TRIM9: variants seen among roughly 807,000 people sequenced by gnomAD.
TRIM9 encodes tripartite motif containing 9, also known as E3 ubiquitin-protein ligase TRIM9.
In TRIM9, 26 loss-of-function variants were observed where a neutral mutation model predicts 78.3. That is an observed-to-expected ratio of 0.33 (90% confidence interval 0.24 to 0.46). The LOEUF is 0.46. Ranked by LOEUF, TRIM9 falls within the 20% of genes least tolerant of loss-of-function variation. The pLI is 1.00. For synonymous variants in TRIM9, 398 were observed against 416.5 expected (o/e 0.96, Z 0.54); for missense variants, 787 against 1,036.4 (o/e 0.76, Z 3.30).
intron 1 of TRIM9, among the ~76,000 whole-genome samples, chr14:51,037,996 T>G (rs1403074189): frequency 1.3e-5 from 2 of 152,230 alleles, no homozygotes; most frequent in Non-Finnish European, 2.9e-5. Context: ...ATCTCCTGCA[T>G]GTGAATTCTG....
chr14:51,082,194 G>A (rs923382442), intron 1 of TRIM9, among the ~76,000 whole-genome samples: 5 of 152,150 alleles, frequency 3.3e-5, no homozygotes, highest in African/African-American at 1.2e-4. Flanking sequence ...AATCCCAAGG[G>A]TTTTAGGAGC....
intron 1 of TRIM9, among the ~76,000 whole-genome samples, chr14:51,033,313 G>T (rs560001024): frequency 6.6e-6 from 1 of 152,276 alleles, no homozygotes; most frequent in South Asian, 2.1e-4. Context: ...GGCTGGTCTT[G>T]AACTCCTGAC....
At chr14:50,982,228 T>C (rs942616007) in intron 10 of TRIM9, 125 bp from the exon 11 acceptor site, 7 of 1,164,472 alleles carry the variant, frequency 6.0e-6, no homozygotes, top group Admixed American at 4.5e-5. Flanking sequence ...GAAGGAGGCG[T>C]CCAGGGCCAG....
chr14:51,068,774 G>T (rs2061968597), intron 1 of TRIM9, among the ~76,000 whole-genome samples: 1 of 152,298 alleles, frequency 6.6e-6, no homozygotes. Context: ...CAGAACCAAG[G>T]TTTAAACCAG....
At chr14:51,017,320 G>A (rs991446646) in intron 3 of TRIM9, among the ~76,000 whole-genome samples, 12 of 152,094 alleles carry the variant, frequency 7.9e-5, no homozygotes, top group Non-Finnish European at 1.8e-4. Flanking sequence ...GAGGCTTTGC[G>A]GTTTTAATCG....
At chr14:50,985,863 C>T in intron 8 of TRIM9, 93 bp downstream of exon 8, 3 of 1,165,422 alleles carry the variant, frequency 2.6e-6, no homozygotes, top group South Asian at 2.4e-5. Context: ...ATCCCCCTCA[C>T]CACGCACATG....
At chr14:50,997,034 A>G in intron 7 of TRIM9, 9 of 985,422 alleles carry the variant, frequency 9.1e-6, no homozygotes, top group Non-Finnish European at 1.1e-5. Context: ...TTTAGCTAAC[A>G]TCTTGAACTT....
rs527480366 is a variant in TRIM9 at position 50,997,604 on chromosome 14, C to T, written c.1603+446G>A. 3.1e-5 allele frequency: 31 copies of T among 1,010,164 alleles called. No homozygotes were observed. The East Asian group carries it at 6.3e-4, about 21-fold the overall frequency. The allele number at this position is 1,010,164 out of a possible 1,614,324, so 62.6% of individuals were successfully genotyped here. A position where few individuals can be genotyped will look rare whatever the true frequency, so the allele number is the denominator to read the frequency against. On this transcript the variant is annotated intron_variant, in intron 7 of 12. Coordinates refer to ENST00000684578, the MANE Select transcript of TRIM9 (RefSeq NM_001387360.1). ...AAACACATTCAGTCATACAAATCCA[C>T]GACTGGAAAGAACCTAGGTCCCACC...
At position 51,079,010 on chromosome 14, in the gene TRIM9, A is replaced by G. The variant is rs187947087; in HGVS notation, c.822+15108T>C. Reference sequence around the variant, plus strand: ...TAACATCATGTTGTAAACCTCAAATATGCACAATACAATTTATTTTAAAGT... The same window carrying G: ...TAACATCATGTTGTAAACCTCAAATGTGCACAATACAATTTATTTTAAAGT... On this transcript the variant is annotated intron_variant, in intron 1 of 12. Coordinates refer to ENST00000684578, the MANE Select transcript of TRIM9 (RefSeq NM_001387360.1). Among the ~76,000 whole-genome samples, 1,198 of 152,310 alleles carry G rather than the reference A, an allele frequency of 7.9e-3. 9 individuals carry two copies. The highest frequency in any genetic ancestry group is 0.049 in the South Asian group (237 of 4,824).
Position 51,037,422 on chromosome 14 carries a change from T to TAAAAAC in TRIM9, c.823-12068_823-12063dup, listed in dbSNP as rs568556914. ...CTGCATGCATGACCTAGACCCCTGA[T>TAAAAAC]AAAAACAAAAACAAAAACAAAAACA... On this transcript the variant is annotated intron_variant, in intron 1 of 12. Coordinates refer to ENST00000684578, the MANE Select transcript of TRIM9 (RefSeq NM_001387360.1). Among the ~76,000 whole-genome samples, 108 of 152,004 alleles carry TAAAAAC rather than the reference T, an allele frequency of 7.1e-4. 1 individual carries two copies. The East Asian group carries it at 0.018, about 25-fold the overall frequency.
chr14:50,985,731 G>A (rs2052617413), intron 8 of TRIM9, among the ~76,000 whole-genome samples: 2 of 152,164 alleles, frequency 1.3e-5, no homozygotes, highest in Non-Finnish European at 2.9e-5. Flanking sequence ...ACTTTCTAAT[G>A]CCGTAATACA....
At chr14:51,061,576 A>G (rs878981491) in intron 1 of TRIM9, among the ~76,000 whole-genome samples, 5 of 152,114 alleles carry the variant, frequency 3.3e-5, no homozygotes, top group African/African-American at 1.2e-4. Context: ...GTGTCCTGTA[A>G]GAAATTTTTG....
intron 3 of TRIM9, among the ~76,000 whole-genome samples, chr14:51,017,205 T>G (rs938767602): frequency 6.6e-6 from 1 of 152,234 alleles, no homozygotes; most frequent in Admixed American, 6.5e-5. Context: ...CCACTCTCCC[T>G]CATAGTTTAA....
chr14:51,065,972 T>C (rs2061693693), intron 1 of TRIM9, among the ~76,000 whole-genome samples: 1 of 151,748 alleles, frequency 6.6e-6, no homozygotes, highest in Non-Finnish European at 1.5e-5. Context: ...CAGCATCAAA[T>C]ACAGGGCCTG....
chr14:50,997,385 A>C (rs2054352473), intron 7 of TRIM9: 1 of 985,332 alleles, frequency 1.0e-6, no homozygotes, highest in South Asian at 4.7e-5. Flanking sequence ...GCCAAGACTG[A>C]AGGGACTGGC....
chr14:50,982,629 C>G (rs372070978), intron 10 of TRIM9: 2 of 403,892 alleles, frequency 5.0e-6, no homozygotes, highest in Admixed American at 3.9e-5. Context: ...AAGCTATAAG[C>G]AACATAAACT....
chr14:51,046,011 T>C (rs1425549262), intron 1 of TRIM9, among the ~76,000 whole-genome samples: 2 of 152,088 alleles, frequency 1.3e-5, no homozygotes, highest in African/African-American at 4.8e-5. Flanking sequence ...ATTGACGTAA[T>C]GTATAATACT....
chr14:51,032,184 A>C (rs1020389915), intron 1 of TRIM9, among the ~76,000 whole-genome samples: 126 of 152,228 alleles, frequency 8.3e-4, no homozygotes, highest in African/African-American at 2.9e-3. Context: ...ATCAGATAGT[A>C]GGAATTGGGC....
At chr14:50,977,552 C>T (rs777865548) in intron 12 of TRIM9, among the ~76,000 whole-genome samples, 199 bp from the exon 13 acceptor site, 7 of 152,182 alleles carry the variant, frequency 4.6e-5, no homozygotes, top group Non-Finnish European at 1.0e-4. Context: ...GCTCTCAAAT[C>T]CTGGTGACAT....
Sources: gnomAD v4.1 joint callset for allele counts (sites outside exome capture counted in the v4.1 genomes callset) on GRCh38, gnomAD v4.1.1 for gene constraint, MANE v1.5 for transcripts, NCBI Gene and HGNC (gene_info 2026-07-23, HGNC 2026-07-21) for gene names.